THRB: variants seen among roughly 807,000 people sequenced by gnomAD.
THRB encodes thyroid hormone receptor beta.
A neutral mutation model predicts 47.8 loss-of-function variants in THRB; 12 were observed. That is an observed-to-expected ratio of 0.25 (90% CI 0.16 to 0.41). The LOEUF is 0.41. Among genes scored for constraint, THRB ranks in the 10% least tolerant of loss-of-function variants. The pLI, the probability that THRB is intolerant of heterozygous loss-of-function variation, is 1.00. For missense variants in THRB, 348 were observed against 589.2 expected, an observed-to-expected ratio of 0.59 and a Z score of 4.24; for synonymous variants, 218 against 212.2, an observed-to-expected ratio of 1.03 and a Z score of -0.24.
intron 2 of THRB, among the ~76,000 whole-genome samples, chr3:24,331,693 G>A (rs2061941990): frequency 6.6e-6 from 1 of 151,842 alleles, no homozygotes; most frequent in Non-Finnish European, 1.5e-5. Context: ...GTGTGTGTGT[G>A]TGTGTGTATG....
chr3:24,383,061 C>G (rs2065830131), intron 1 of THRB, among the ~76,000 whole-genome samples: 1 of 152,146 alleles, frequency 6.6e-6, no homozygotes, highest in Non-Finnish European at 1.5e-5. Context: ...CTCAGAGAAA[C>G]TCACGTACTC....
chr3:24,366,255 A>C (rs1487419771), intron 1 of THRB, among the ~76,000 whole-genome samples: 2 of 152,162 alleles, frequency 1.3e-5, no homozygotes, highest in Non-Finnish European at 1.5e-5. Flanking sequence ...TATAACAAGC[A>C]TTCTCTACTT....
intron 1 of THRB, among the ~76,000 whole-genome samples, chr3:24,406,508 A>G (rs555780024): frequency 6.6e-6 from 1 of 151,838 alleles, no homozygotes; most frequent in Admixed American, 6.6e-5. Flanking sequence ...ATTGTTTATA[A>G]TGTCTGCAAG....
rs554737971 is a variant in THRB at position 24,208,392 on chromosome 3, A to T, written c.23-18058T>A. 1.6e-4 allele frequency among the ~76,000 whole-genome samples: 24 copies of T among 152,292 alleles called. No homozygotes were observed. In the East Asian group the frequency reaches 4.2e-3, roughly 27 times the overall value. ...CGAAAAAAGAGCCCGCATTGCCAAG[A>T]CAATCCTAAGCCAAAAGAACAAAGC... On this transcript the variant is annotated intron_variant, in intron 4 of 10. Transcript: ENST00000646209.
intron 8 of THRB, among the ~76,000 whole-genome samples, chr3:24,135,933 G>A (rs962447393): frequency 1.3e-5 from 2 of 150,470 alleles, no homozygotes; most frequent in Non-Finnish European, 3.0e-5. Context: ...ATTAAGAAGT[G>A]TAATAACATT....
intron 3 of THRB, among the ~76,000 whole-genome samples, chr3:24,272,597 G>A (rs1330471425): frequency 6.6e-6 from 1 of 152,052 alleles, no homozygotes; most frequent in Non-Finnish European, 1.5e-5. Flanking sequence ...CTTTTCCCTG[G>A]CAAGGAATTT....
chr3:24,197,234 T>C (rs2044056029), intron 4 of THRB, among the ~76,000 whole-genome samples: 1 of 152,248 alleles, frequency 6.6e-6, no homozygotes, highest in South Asian at 2.1e-4. Flanking sequence ...GACTCATCAT[T>C]ACAAGCAATT....
chr3:24,298,852 A>C (rs191088531), intron 2 of THRB, among the ~76,000 whole-genome samples: 6 of 152,358 alleles, frequency 3.9e-5, no homozygotes, highest in Admixed American at 1.3e-4. Flanking sequence ...ATTGTGACTC[A>C]TTTGATTGTT....
intron 3 of THRB, among the ~76,000 whole-genome samples, chr3:24,292,881 C>T (rs1477092877): frequency 2.6e-5 from 4 of 151,890 alleles, no homozygotes; most frequent in African/African-American, 9.7e-5. Context: ...CATTGGGGTC[C>T]CATAAACTAC....
chr3:24,447,584 T>G (rs1040946189), intron 1 of THRB, among the ~76,000 whole-genome samples: 4 of 152,166 alleles, frequency 2.6e-5, no homozygotes, highest in Admixed American at 1.3e-4. Context: ...CTGTATATAA[T>G]CAGGGGCACC....
chr3:24,395,046 A>G (rs1464604667), intron 1 of THRB, among the ~76,000 whole-genome samples: 1 of 152,084 alleles, frequency 6.6e-6, no homozygotes, highest in Non-Finnish European at 1.5e-5. Context: ...GCTATTTTAA[A>G]AACTCACTCT....
intron 1 of THRB, chr3:24,348,814 C>T (rs1425440646): frequency 6.6e-6 from 1 of 151,884 alleles, no homozygotes; most frequent in Non-Finnish European, 1.5e-5. Flanking sequence ...TCCCCTAAGA[C>T]TAAGAATAAT....
intron 9 of THRB, among the ~76,000 whole-genome samples, chr3:24,129,609 G>C (rs2033490450): frequency 6.6e-6 from 1 of 152,230 alleles, no homozygotes; most frequent in African/African-American, 2.4e-5. Context: ...TTTCCTTTAA[G>C]AGGGATTTGT....
intron 1 of THRB, among the ~76,000 whole-genome samples, chr3:24,448,482 A>G (rs868460576): frequency 6.6e-6 from 1 of 152,174 alleles, no homozygotes; most frequent in Admixed American, 6.5e-5. Context: ...CTTGCTATCA[A>G]TTAGGAAAGC....
intron 4 of THRB, among the ~76,000 whole-genome samples, chr3:24,207,952 G>A (rs951285091): frequency 4.6e-5 from 7 of 152,094 alleles, no homozygotes; most frequent in Admixed American, 1.3e-4. Context: ...AAACCCCATC[G>A]TCTCAGCCCA....
intron 3 of THRB, among the ~76,000 whole-genome samples, chr3:24,285,218 G>C (rs929429472): frequency 1.5e-5 from 2 of 136,608 alleles, no homozygotes; most frequent in African/African-American, 7.3e-5. Context: ...TTAAGAAAAT[G>C]TGGCACATAT....
At chr3:24,198,410 C>A (rs2044212517) in intron 4 of THRB, among the ~76,000 whole-genome samples, 1 of 149,812 alleles carries the variant, frequency 6.7e-6, no homozygotes. Context: ...CAAGGTCTAG[C>A]CTTGTGCAGA....
At chr3:24,273,461 A>G (rs1683246203) in intron 3 of THRB, among the ~76,000 whole-genome samples, 1 of 152,254 alleles carries the variant, frequency 6.6e-6, no homozygotes, top group Non-Finnish European at 1.5e-5. Context: ...CTGAATAATT[A>G]GAATAAATTG....
At chr3:24,218,282 A>C (rs940834973) in intron 4 of THRB, among the ~76,000 whole-genome samples, 4 of 151,656 alleles carry the variant, frequency 2.6e-5, no homozygotes, top group Non-Finnish European at 5.9e-5. Flanking sequence ...AAAAACAAAA[A>C]ACAAAAAAAA....
Sources: allele counts gnomAD v4.1 joint callset (sites outside exome capture counted in the v4.1 genomes callset), GRCh38; gene constraint gnomAD v4.1.1; transcripts MANE v1.5; gene names NCBI Gene and HGNC (gene_info 2026-07-23, HGNC 2026-07-21).